SOX9: variants seen among roughly 807,000 people sequenced by gnomAD.
SOX9 encodes the protein transcription factor SOX-9.
A neutral mutation model predicts 44.8 loss-of-function variants in SOX9; 2 were observed. The observed-to-expected ratio is 0.04, with a 90% confidence interval of 0.02 to 0.14. SOX9 has a LOEUF of 0.14. SOX9 is among the 10% of genes least tolerant of loss of function. The probability of loss-of-function intolerance (pLI) is 1.00; values close to 1 mark genes in which losing one functional copy is unlikely to be tolerated. For missense variants in SOX9, 583 were observed against 728.6 expected (o/e 0.80, Z 2.30); for synonymous variants, 381 against 331.8 (o/e 1.15, Z -1.61).
Position 72,124,517 on chromosome 17 carries a change from C to T in SOX9, c.*130C>T, listed in dbSNP as rs1375630513. On this transcript the variant is annotated 3_prime_UTR_variant, in exon 3 of 3. Coordinates refer to ENST00000245479, the MANE Select transcript of SOX9 (RefSeq NM_000346.4). This position sits in a 1 kb window ranked among gnomAD's most constrained non-coding sequence, Gnocchi z 4.6. ...TTTTTATTTTGTTTTGTTTTTTCTT[C>T]TTCTTCTTCTTCCTTAAAGACATTT... 4 of 1,150,010 alleles carry T rather than the reference C, an allele frequency of 3.5e-6. No homozygotes were observed. The highest frequency in any genetic ancestry group is 3.0e-5 in the African/African-American group (2 of 65,690). 71.2% of individuals were successfully genotyped at this position (1,150,010 alleles called of 1,614,324 possible).
Position 72,123,565 on chromosome 17 carries a change from C to A in SOX9, c.708C>A (p.Thr236=), listed in dbSNP as rs2143250205. The change falls in exon 3 of 3, where the codon ACC becomes ACA. Residue 236 remains threonine, a synonymous_variant. Coordinates refer to ENST00000245479, the MANE Select transcript of SOX9 (RefSeq NM_000346.4). The surrounding 1 kb of genome is among the most constrained non-coding windows in gnomAD (Gnocchi z 6.5). ...CAGGGCAATCCCAGGGCCCACCGACCCCACCCACCACCCCCAAAACCGACG... is the reference window on the plus strand; with the variant it reads ...CAGGGCAATCCCAGGGCCCACCGACACCACCCACCACCCCCAAAACCGACG... ...EHSGQSQGPP[T]PPTTPKTDVQ... The A allele has an allele frequency of 6.2e-7, 1 of 1,614,016 alleles. No homozygotes were observed. Among genetic ancestry groups the A allele is most frequent in the Non-Finnish European group, 8.5e-7 (1 of 1,179,914 alleles).
chr17:72,122,861 G>C lies in SOX9; in HGVS notation c.574G>C (p.Ala192Pro). 1 of 1,614,134 alleles carries C rather than the reference G, an allele frequency of 6.2e-7. No homozygotes were observed. The highest frequency in any genetic ancestry group is 1.3e-5 in the African/African-American group (1 of 75,020). The change falls in exon 2 of 3, where the codon GCC becomes CCC. Residue 192 changes from alanine to proline, a missense_variant. Ala to Pro is a conservative substitution (Grantham distance 27). This residue lies in a region of SOX9 where 88 missense variants were observed against 65.5 expected (regional missense o/e 1.34). Coordinates refer to ENST00000245479, the MANE Select transcript of SOX9 (RefSeq NM_000346.4). ...VKNGQAEAEE[A>P]TEQTHISPNA... ...GAACGGGCAGGCGGAGGCAGAGGAG[G>C]CCACGGAGCAGACGCACATCTCCCC...
rs577872434 is a variant in SOX9 at position 72,123,781 on chromosome 17, C to T, written c.924C>T (p.Ala308=). ...CCAACGGCCACCCGGGGGTGCCGGC[C>T]ACGCACGGCCAGGTCACCTACACGG... ...LPPNGHPGVP[A]THGQVTYTGS... Residue 308 remains alanine (A), a synonymous_variant, in exon 3 of 3, where the codon GCC becomes GCT. Transcript: ENST00000245479. This position sits in a 1 kb window ranked among gnomAD's most constrained non-coding sequence, Gnocchi z 6.5. 10 of 1,613,106 alleles carry T rather than the reference C, an allele frequency of 6.2e-6. No individual in the cohort carries two copies. The East Asian group carries it at 2.2e-4, about 36-fold the overall frequency.
Position 72,123,878 on chromosome 17 carries a change from G to A in SOX9, c.1021G>A (p.Ala341Thr). The stretch of plus-strand genomic sequence containing the variant: ...CCACGTGTGGATGTCCAAGCAGCAG[G>A]CGCCGCCGCCACCCCCGCAGCAGCC... ...AGHVWMSKQQ[A>T]PPPPPQQPPQ... is the part of the protein sequence containing the mutation. Residue 341 changes from alanine (A) to threonine (T), a missense_variant, in exon 3 of 3, where the codon GCG becomes ACG. Ala to Thr is a moderately conservative substitution (Grantham distance 58, BLOSUM62 0). This residue lies in a region of SOX9 where 349 missense variants were observed against 387.0 expected (regional missense o/e 0.90). Coordinates refer to ENST00000245479, the MANE Select transcript of SOX9 (RefSeq NM_000346.4). This position sits in a 1 kb window ranked among gnomAD's most constrained non-coding sequence, Gnocchi z 6.5. 3 of 1,513,900 alleles carry A rather than the reference G, an allele frequency of 2.0e-6. No homozygotes were observed. The highest frequency in any genetic ancestry group is 2.6e-6 in the Non-Finnish European group (3 of 1,132,598). 93.8% of individuals were successfully genotyped at this position (1,513,900 alleles called of 1,614,324 possible). A position where few individuals can be genotyped will look rare whatever the true frequency, so the allele number is the denominator to read the frequency against.
At position 72,123,700 on chromosome 17, in the gene SOX9, C is replaced by G. The variant is rs769869469; in HGVS notation, c.843C>G (p.Asp281Glu). 1.2e-6 allele frequency: 2 copies of G among 1,614,030 alleles called. No individual in the cohort carries two copies. The highest frequency in any genetic ancestry group is 1.7e-6 in the Non-Finnish European group (2 of 1,179,976). The change falls in exon 3 of 3, where the codon GAC (aspartate) becomes GAG (glutamate). Residue 281 changes from aspartate to glutamate, a missense_variant. Asp to Glu is a conservative substitution (Grantham distance 45). This residue lies in a region of SOX9 where 349 missense variants were observed against 387.0 expected (regional missense o/e 0.90). Transcript: ENST00000245479. The surrounding 1 kb of genome is among the most constrained non-coding windows in gnomAD (Gnocchi z 6.5). ...RDVDIGELSS[D>E]VISNIETFDV... The stretch of plus-strand genomic sequence containing the variant: ...TGGACATCGGCGAGCTGAGCAGCGA[C>G]GTCATCTCCAACATCGAGACCTTCG...
Position 72,124,360 on chromosome 17 carries a change from C to A in SOX9, c.1503C>A (p.Pro501=), listed in dbSNP as rs139015010. 1.2e-6 allele frequency: 2 copies of A among 1,600,610 alleles called. No homozygotes were observed. Among genetic ancestry groups the A allele is most frequent in the Non-Finnish European group, 8.5e-7 (1 of 1,179,940 alleles). The change falls in exon 3 of 3, where the codon CCC becomes CCA. Residue 501 remains proline (P), a synonymous_variant. Transcript: ENST00000245479. This position sits in a 1 kb window ranked among gnomAD's most constrained non-coding sequence, Gnocchi z 4.6. ...QTHSPQHWEQ[P]VYTQLTRP ...ACAGCCCCCAGCACTGGGAACAACC[C>A]GTCTACACACAGCTCACTCGACCTT...
rs1198185919 is a variant in SOX9 at position 72,124,048 on chromosome 17, C to A, written c.1191C>A (p.Ile397=). ...SEPGQSQRTH[I]KTEQLSPSHY... Reference sequence around the variant, plus strand: ...CGGGCCAGTCCCAGCGAACGCACATCAAGACGGAGCAGCTGAGCCCCAGCC... The same window carrying A: ...CGGGCCAGTCCCAGCGAACGCACATAAAGACGGAGCAGCTGAGCCCCAGCC... Residue 397 remains isoleucine, a synonymous_variant, in exon 3 of 3, where the codon ATC becomes ATA. Transcript: ENST00000245479. The surrounding 1 kb of genome is among the most constrained non-coding windows in gnomAD (Gnocchi z 4.6). 6.2e-7 allele frequency: 1 copy of A among 1,612,380 alleles called. No individual in the cohort carries two copies. Among genetic ancestry groups the A allele is most frequent in the East Asian group, 2.2e-5 (1 of 44,868 alleles).
Position 72,121,309 on chromosome 17 carries a change from G to A in SOX9, c.-83G>A, listed in dbSNP as rs116826102. ...TGCTCCGCATCCGGGCAGCCGAGGG[G>A]AGAGGAGCCCGCGCCTCGAGTCCCC... On this transcript the variant is annotated 5_prime_UTR_variant, in exon 1 of 3. Coordinates refer to ENST00000245479, the MANE Select transcript of SOX9 (RefSeq NM_000346.4). The surrounding 1 kb of genome is among the most constrained non-coding windows in gnomAD (Gnocchi z 8.3). 4,103 of 1,285,480 alleles carry A rather than the reference G, an allele frequency of 3.2e-3. 85 individuals are homozygous for A. The African/African-American group carries it at 0.049, about 15-fold the overall frequency. 79.6% of individuals were successfully genotyped at this position (1,285,480 alleles called of 1,614,324 possible).
Position 72,122,869 on chromosome 17 carries a change from G to C in SOX9, c.582G>C (p.Glu194Asp), listed in dbSNP as rs769303668. 6.2e-7 allele frequency: 1 copy of C among 1,614,166 alleles called. No homozygotes were observed. The highest frequency in any genetic ancestry group is 1.3e-5 in the African/African-American group (1 of 75,042). Reference sequence around the variant, plus strand: ...AGGCGGAGGCAGAGGAGGCCACGGAGCAGACGCACATCTCCCCCAACGCCA... The same window carrying C: ...AGGCGGAGGCAGAGGAGGCCACGGACCAGACGCACATCTCCCCCAACGCCA... ...NGQAEAEEAT[E>D]QTHISPNAIF... Residue 194 changes from glutamate to aspartate, a missense_variant, in exon 2 of 3, where the codon GAG becomes GAC. Transcript: ENST00000245479.
chr17:72,122,198 T>C (rs934565371), intron 1 of SOX9, among the ~76,000 whole-genome samples: 20 of 151,976 alleles, frequency 1.3e-4, no homozygotes, highest in African/African-American at 4.8e-4. Context: ...CTGCACTCTC[T>C]CGTGCAGCCC....
At position 72,121,034 on chromosome 17, in the gene SOX9, G is replaced by C. The variant is rs1908066442; in HGVS notation, c.-358G>C. On this transcript the variant is annotated 5_prime_UTR_variant, in exon 1 of 3. Coordinates refer to ENST00000245479, the MANE Select transcript of SOX9 (RefSeq NM_000346.4). The surrounding 1 kb of genome is among the most constrained non-coding windows in gnomAD (Gnocchi z 8.3). ...GGCTGGGAGTTGGAGAGCCGAAAGC[G>C]GAGCTCGAAACTGACTGGAAACTTC... 1.2e-5 allele frequency: 6 copies of C among 520,478 alleles called. No homozygotes were observed. Among genetic ancestry groups the C allele is most frequent in the Admixed American group, 3.7e-5 (1 of 26,716 alleles). 32.2% of individuals were successfully genotyped at this position (520,478 alleles called of 1,614,324 possible). A position where few individuals can be genotyped will look rare whatever the true frequency, so the allele number is the denominator to read the frequency against.
At position 72,124,099 on chromosome 17, in the gene SOX9, G is replaced by C. The variant is rs1908206909; in HGVS notation, c.1242G>C (p.Ser414=). 1 of 1,613,644 alleles carries C rather than the reference G, an allele frequency of 6.2e-7. No homozygotes were observed. Among genetic ancestry groups the C allele is most frequent in the Non-Finnish European group, 8.5e-7 (1 of 1,179,970 alleles). The change falls in exon 3 of 3, where the codon TCG becomes TCC. Residue 414 remains serine (S), a synonymous_variant. Coordinates refer to ENST00000245479, the MANE Select transcript of SOX9 (RefSeq NM_000346.4). The surrounding 1 kb of genome is among the most constrained non-coding windows in gnomAD (Gnocchi z 4.6). ...PSHYSEQQQH[S]PQQIAYSPFN... ...ACTACAGCGAGCAGCAGCAGCACTC[G>C]CCCCAACAGATCGCCTACAGCCCCT...
chr17:72,123,091 C>T lies in SOX9; in HGVS notation c.685+119C>T. 2 of 1,292,234 alleles carry T rather than the reference C, an allele frequency of 1.5e-6. No homozygotes were observed. The highest frequency in any genetic ancestry group is 2.2e-6 in the Non-Finnish European group (2 of 924,920). The allele number at this position is 1,292,234 out of a possible 1,614,324, so 80.0% of individuals were successfully genotyped here. A position where few individuals can be genotyped will look rare whatever the true frequency, so the allele number is the denominator to read the frequency against. ...ATGCTTCCCGGGAGGGACACACTGC[C>T]CTTTGCGCCCGTCCCGCTCCCCTCT... On this transcript the variant is annotated intron_variant, in intron 2 of 2. Coordinates refer to ENST00000245479, the MANE Select transcript of SOX9 (RefSeq NM_000346.4). This position sits in a 1 kb window ranked among gnomAD's most constrained non-coding sequence, Gnocchi z 6.5.
In SOX9 at chr17:72,121,104, T is replaced by A; in HGVS notation, c.-288T>A. 1.8e-6 allele frequency: 1 copy of A among 546,016 alleles called. No homozygotes were observed. Among genetic ancestry groups the A allele is most frequent in the African/African-American group, 2.0e-5 (1 of 49,746 alleles). 33.8% of individuals were successfully genotyped at this position (546,016 alleles called of 1,614,324 possible). A position where few individuals can be genotyped will look rare whatever the true frequency, so the allele number is the denominator to read the frequency against. On this transcript the variant is annotated 5_prime_UTR_variant, in exon 1 of 3. Coordinates refer to ENST00000245479, the MANE Select transcript of SOX9 (RefSeq NM_000346.4). The surrounding 1 kb of genome is among the most constrained non-coding windows in gnomAD (Gnocchi z 8.3). ...AGTTTCAACCCCGGAAACTTTTCTT[T>A]GCAGGAGGAGAAGAGAAGGGGTGCA...
At position 72,123,775 on chromosome 17, in the gene SOX9, G is replaced by A. The variant is rs367966473; in HGVS notation, c.918G>A (p.Val306=). 48 of 1,613,098 alleles carry A rather than the reference G, an allele frequency of 3.0e-5. No individual in the cohort carries two copies. The highest frequency in any genetic ancestry group is 3.7e-5 in the Non-Finnish European group (44 of 1,179,896). The stretch of plus-strand genomic sequence containing the variant: ...TGCCGCCCAACGGCCACCCGGGGGT[G>A]CCGGCCACGCACGGCCAGGTCACCT... ...QYLPPNGHPG[V]PATHGQVTYT... The change falls in exon 3 of 3, where the codon GTG becomes GTA. Residue 306 remains valine (V), a synonymous_variant. Transcript: ENST00000245479. The surrounding 1 kb of genome is among the most constrained non-coding windows in gnomAD (Gnocchi z 6.5).
chr17:72,121,212 C>T lies in SOX9; in HGVS notation c.-180C>T, dbSNP rs1408834010. The T allele has an allele frequency of 6.4e-6, 4 of 622,244 alleles. No individual in the cohort carries two copies. The highest frequency in any genetic ancestry group is 1.1e-5 in the Non-Finnish European group (4 of 353,902). 38.5% of individuals were successfully genotyped at this position (622,244 alleles called of 1,614,324 possible). A position where few individuals can be genotyped will look rare whatever the true frequency, so the allele number is the denominator to read the frequency against. ...CCCACTTGGAGCGGGCAGCTGTGAA[C>T]TGGCCACCCCGCGCCTTCCTAAGTG... On this transcript the variant is annotated 5_prime_UTR_variant, in exon 1 of 3. Coordinates refer to ENST00000245479, the MANE Select transcript of SOX9 (RefSeq NM_000346.4). This position sits in a 1 kb window ranked among gnomAD's most constrained non-coding sequence, Gnocchi z 8.3.
rs2143245904 is a variant in SOX9 at position 72,122,803 on chromosome 17, C to T, written c.516C>T (p.Tyr172=). The T allele has an allele frequency of 6.2e-7, 1 of 1,614,168 alleles. No homozygotes were observed. The highest frequency in any genetic ancestry group is 8.5e-7 in the Non-Finnish European group (1 of 1,180,018). Reference sequence around the variant, plus strand: ...AGCACAAGAAGGACCACCCGGATTACAAGTACCAGCCGCGGCGGAGGAAGT... The same window carrying T: ...AGCACAAGAAGGACCACCCGGATTATAAGTACCAGCCGCGGCGGAGGAAGT... The part of the protein sequence containing the change: ...RVQHKKDHPD[Y]KYQPRRRKSV... The change falls in exon 2 of 3, where the codon TAC becomes TAT. Residue 172 remains tyrosine (Y), a synonymous_variant. Coordinates refer to ENST00000245479, the MANE Select transcript of SOX9 (RefSeq NM_000346.4).
rs1209380230 is a variant in SOX9 at position 72,125,342 on chromosome 17, A to C, written c.*955A>C. ...GAAAGAGGTAAAAGGCAAGCAAAGG[A>C]GATGAAATCTGTTCTGGGAATGTTT... On this transcript the variant is annotated 3_prime_UTR_variant, in exon 3 of 3. Coordinates refer to ENST00000245479, the MANE Select transcript of SOX9 (RefSeq NM_000346.4). The C allele has an allele frequency of 4.4e-6, 1 of 228,222 alleles. No individual in the cohort carries two copies. The highest frequency in any genetic ancestry group is 2.2e-5 in the African/African-American group (1 of 44,998). The allele number at this position is 228,222 out of a possible 1,614,324, so 14.1% of individuals were successfully genotyped here. A position where few individuals can be genotyped will look rare whatever the true frequency, so the allele number is the denominator to read the frequency against.
In SOX9 at chr17:72,121,069, G is replaced by C. The variant is rs1014675314; in HGVS notation, c.-323G>C. On this transcript the variant is annotated 5_prime_UTR_variant, in exon 1 of 3. Coordinates refer to ENST00000245479, the MANE Select transcript of SOX9 (RefSeq NM_000346.4). This position sits in a 1 kb window ranked among gnomAD's most constrained non-coding sequence, Gnocchi z 8.3. ...ACTGACTGGAAACTTCAGTGGCGCG[G>C]AGACTCGCCAGTTTCAACCCCGGAA... is the stretch of plus-strand genomic sequence containing the variant. 1.3e-5 allele frequency: 7 copies of C among 545,254 alleles called. No homozygotes were observed. In the African/African-American group the frequency reaches 1.4e-4, roughly 11 times the overall value. The allele number at this position is 545,254 out of a possible 1,614,324, so 33.8% of individuals were successfully genotyped here. A position where few individuals can be genotyped will look rare whatever the true frequency, so the allele number is the denominator to read the frequency against.
Sources: gnomAD v4.1 joint callset for allele counts (sites outside exome capture counted in the v4.1 genomes callset) on GRCh38, gnomAD v4.1.1 for gene constraint, gnomAD v4.1.1 regional missense constraint, Gnocchi (gnomAD v3.1) non-coding constraint, MANE v1.5 for transcripts, NCBI Gene and HGNC (gene_info 2026-07-23, HGNC 2026-07-21) for gene names.